The following GALNS variants were observed in gnomAD, a reference collection of about 807,000 sequenced individuals.
The protein encoded by GALNS is N-acetylgalactosamine-6-sulfatase.
Under a neutral mutation model 65.9 loss-of-function variants are expected in GALNS, and 65 were observed. The observed-to-expected ratio is 0.99, with a 90% confidence interval of 0.81 to 1.21. GALNS has a LOEUF of 1.21. Ranked by LOEUF, GALNS falls within the 50% of genes most tolerant of loss-of-function variation. The probability of loss-of-function intolerance (pLI) is 0.00; values close to 1 mark genes in which losing one functional copy is unlikely to be tolerated. For missense variants in GALNS, 776 were observed against 700.7 expected (o/e 1.11, Z -1.21); for synonymous variants, 346 against 288.9 (o/e 1.20, Z -2.00).
chr16:88,856,670 G>A, intron 1 of GALNS, 88 bp downstream of exon 1: 1 of 329,220 alleles, frequency 3.0e-6, no homozygotes, highest in South Asian at 2.1e-5. Context: ...CACCCCGCCC[G>A]CCCTTCCCCC....
intron 1 of GALNS, among the ~76,000 whole-genome samples, chr16:88,847,703 CAAACA>C (rs1354201234): frequency 2.0e-5 from 3 of 152,178 alleles, no homozygotes; most frequent in Admixed American, 6.5e-5. Context: ...TGATTTTTAC[CAAACA>C]AAACAAAACA....
intron 10 of GALNS, 148 bp from the exon 11 acceptor site, chr16:88,825,017 G>C (rs1428126139): frequency 5.3e-6 from 4 of 750,904 alleles, no homozygotes; most frequent in Non-Finnish European, 9.2e-6. Flanking sequence ...AAAGTAAAAA[G>C]GCCCGCAAGG....
At chr16:88,835,689 CCA>C (rs1346851592) in intron 7 of GALNS, 34 bp downstream of exon 7, 1 of 1,613,142 alleles carries the variant, frequency 6.2e-7, no homozygotes, top group Non-Finnish European at 8.5e-7. Flanking sequence ...GCTGGGGCCT[CCA>C]GCGAGGTCTA....
In GALNS at chr16:88,822,624, G is replaced by A. The variant is rs1411737981; in HGVS notation, c.1329C>T (p.His443=). Residue 443 remains histidine (H), a synonymous_variant, in exon 12 of 14, where the codon CAC becomes CAT. Transcript: ENST00000268695. ...EDHTKLPLIF[H]LGRDPGERFP... ...ACCTCTCCCCTGGGTCCCGTCCCAG[G>A]TGGAAGATCAGGGGCAGCTTCGTGT... 6.2e-7 allele frequency: 1 copy of A among 1,613,014 alleles called. No individual in the cohort carries two copies. Among genetic ancestry groups the A allele is most frequent in the South Asian group, 1.1e-5 (1 of 91,090 alleles).
At chr16:88,839,531 A>G (rs1966877073) in intron 4 of GALNS, among the ~76,000 whole-genome samples, 1 of 152,250 alleles carries the variant, frequency 6.6e-6, no homozygotes, top group African/African-American at 2.4e-5. Flanking sequence ...GGCTTCATGC[A>G]GATCAAGCAG....
rs3759946 is a variant in GALNS at position 88,813,915 on chromosome 16, C to G, written c.*524G>C. 0.051 allele frequency: 9,900 copies of G among 194,220 alleles called. 304 individuals carry two copies. Among genetic ancestry groups the G allele is most frequent in the Middle Eastern group, 0.14 (60 of 428 alleles). 12.0% of individuals were successfully genotyped at this position (194,220 alleles called of 1,614,324 possible). On this transcript the variant is annotated 3_prime_UTR_variant, in exon 14 of 14. Transcript: ENST00000268695. ...CCTGAGACAAACGCTTATATGATTG[C>G]CCCGTTCCCTTACTGTTTACATAAA...
At chr16:88,818,400 C>T (rs1567513599) in intron 12 of GALNS, among the ~76,000 whole-genome samples, 2 of 152,212 alleles carry the variant, frequency 1.3e-5, no homozygotes, top group Admixed American at 1.3e-4. Context: ...AGAGCCGTCC[C>T]ATCCTGTCCC....
chr16:88,827,053 C>T (rs1424127285), intron 9 of GALNS: 7 of 609,916 alleles, frequency 1.1e-5, no homozygotes, highest in East Asian at 5.5e-5. Context: ...AGCCAGGCCA[C>T]GCCCTCACTC....
intron 1 of GALNS, chr16:88,855,032 G>A (rs532710363): frequency 1.6e-4 from 58 of 372,108 alleles, no homozygotes; most frequent in Middle Eastern, 9.7e-4. Context: ...ACCCTGCACG[G>A]CCTGAACCCT....
In GALNS at chr16:88,816,408, C is replaced by T. The variant is rs1485839328; in HGVS notation, c.1482+1599G>A. The T allele has an allele frequency of 1.0e-5, 10 of 985,324 alleles. No individual in the cohort carries two copies. The East Asian group carries it at 1.0e-3, about 100-fold the overall frequency. The allele number at this position is 985,324 out of a possible 1,614,324, so 61.0% of individuals were successfully genotyped here. ...GCCCCGAGACTCAGGGGTCCTGAGA[C>T]AGGGACCTCCCTGCTCCACCACTGA... On this transcript the variant is annotated intron_variant, in intron 13 of 13. Transcript: ENST00000268695.
intron 13 of GALNS, chr16:88,816,689 T>C (rs1425325913): frequency 1.1e-5 from 11 of 985,288 alleles, no homozygotes; most frequent in African/African-American, 7.0e-5. Flanking sequence ...CGGCCCACGC[T>C]GTGGCTCCCT....
chr16:88,851,944 A>G (rs528728704), intron 1 of GALNS, among the ~76,000 whole-genome samples: 1 of 152,372 alleles, frequency 6.6e-6, no homozygotes, highest in Non-Finnish European at 1.5e-5. Context: ...TAGCTGAACA[A>G]AAGGCAGCAG....
intron 11 of GALNS, among the ~76,000 whole-genome samples, chr16:88,823,881 G>A (rs1199710591): frequency 6.6e-6 from 1 of 152,096 alleles, no homozygotes; most frequent in Non-Finnish European, 1.5e-5. Flanking sequence ...CCGATGCCCA[G>A]GATGGCCCTT....
At chr16:88,853,251 C>CAAAAAAAAAAAAA (rs34618279) in intron 1 of GALNS, among the ~76,000 whole-genome samples, 1 of 64,658 alleles carries the variant, frequency 1.5e-5, no homozygotes, top group Non-Finnish European at 2.9e-5. Context: ...GACTCCATCT[C>CAAAAAAAAAAAAA]AAAAAAAAAA....
chr16:88,854,349 A>AC (rs758411689), intron 1 of GALNS, among the ~76,000 whole-genome samples: 1 of 151,906 alleles, frequency 6.6e-6, no homozygotes, highest in African/African-American at 2.4e-5. Flanking sequence ...GCCTGTGAGG[A>AC]CCCCCTTGCA....
intron 1 of GALNS, chr16:88,855,944 G>T: frequency 1.7e-6 from 1 of 572,748 alleles, no homozygotes; most frequent in Non-Finnish European, 3.1e-6. Context: ...CGGCGGGACA[G>T]GTGTAACCCC....
At chr16:88,815,792 T>A (rs1287278804) in intron 13 of GALNS, 3 of 985,230 alleles carry the variant, frequency 3.0e-6, no homozygotes, top group Non-Finnish European at 3.6e-6. Context: ...GGAGTGGGTT[T>A]GGGTGAGGAA....
chr16:88,843,183 C>T (rs1181836069), intron 1 of GALNS: 11 of 1,367,136 alleles, frequency 8.0e-6, no homozygotes, highest in South Asian at 1.2e-5. Context: ...CAGGAGCTGG[C>T]CTCTAAACAC....
intron 1 of GALNS, among the ~76,000 whole-genome samples, chr16:88,846,757 G>T (rs1361386637): frequency 6.6e-6 from 1 of 152,036 alleles, no homozygotes; most frequent in Non-Finnish European, 1.5e-5. Flanking sequence ...TGGCCAGGCT[G>T]GTCTCGAACT....
Sources: gnomAD v4.1 joint callset for allele counts (sites outside exome capture counted in the v4.1 genomes callset) on GRCh38, gnomAD v4.1.1 for gene constraint, MANE v1.5 for transcripts, NCBI Gene and HGNC (gene_info 2026-07-23, HGNC 2026-07-21) for gene names.